CST3: variants seen among roughly 807,000 people sequenced by gnomAD.
The protein encoded by CST3 is cystatin C, also known as cystatin-C.
A neutral mutation model predicts 9.0 loss-of-function variants in CST3; 14 were observed. That is an observed-to-expected ratio of 1.56 (90% CI 1.03 to 2.44). CST3 has a LOEUF of 2.44. Among genes scored for constraint, CST3 ranks in the 30% most tolerant of loss-of-function variants. The pLI is 0.00. For synonymous variants in CST3, 96 were observed against 90.2 expected, an observed-to-expected ratio of 1.06 and a Z score of -0.37; for missense variants, 237 against 204.3, an observed-to-expected ratio of 1.16 and a Z score of -0.98.
At chr20:23,634,862 C>G (rs1979597520) in intron 2 of CST3, among the ~76,000 whole-genome samples, 1 of 152,090 alleles carries the variant, frequency 6.6e-6, no homozygotes, top group Non-Finnish European at 1.5e-5. Flanking sequence ...TCCACATACT[C>G]CCTCATACAT....
downstream of CST3, among the ~76,000 whole-genome samples, chr20:23,630,162 T>C (rs1979401400): frequency 1.3e-5 from 2 of 152,182 alleles, no homozygotes; most frequent in South Asian, 2.1e-4. Flanking sequence ...AAACATCCAA[T>C]GTCCACGTCC....
chr20:23,635,000 A>T lies in CST3; in HGVS notation c.357+254T>A, dbSNP rs551325495. 2.6e-5 allele frequency among the ~76,000 whole-genome samples: 4 copies of T among 152,134 alleles called. No homozygotes were observed. The East Asian group carries it at 7.7e-4, about 29-fold the overall frequency. ...CACCCCCACACATATGTGCACACAC[A>T]TATACTCACACACCCACACCTATCC... is the stretch of plus-strand genomic sequence containing the variant. On this transcript the variant is annotated intron_variant, in intron 2 of 2. Transcript: ENST00000376925.
intron 2 of CST3, among the ~76,000 whole-genome samples, 161 bp downstream of exon 2, chr20:23,635,093 C>T (rs1326916902): frequency 1.3e-5 from 2 of 151,994 alleles, no homozygotes; most frequent in Non-Finnish European, 2.9e-5. Flanking sequence ...GTGCACTTCC[C>T]CACACAAACC....
intron 2 of CST3, among the ~76,000 whole-genome samples, 183 bp from the exon 3 acceptor site, chr20:23,634,182 C>A (rs1159821572): frequency 6.6e-6 from 1 of 152,138 alleles, no homozygotes; most frequent in Admixed American, 6.5e-5. Flanking sequence ...ACTGCTCCAT[C>A]CCTCTCCCAG....
At chr20:23,632,789 G>T (rs1022918935), downstream of CST3, among the ~76,000 whole-genome samples, 1 of 152,232 alleles carries the variant, frequency 6.6e-6, no homozygotes, top group Non-Finnish European at 1.5e-5. Flanking sequence ...GGGAAGGACT[G>T]TGCAGGGTGG....
At chr20:23,632,474 C>T (rs531969208), downstream of CST3, among the ~76,000 whole-genome samples, 6 of 152,180 alleles carry the variant, frequency 3.9e-5, no homozygotes, top group African/African-American at 1.4e-4. Flanking sequence ...CTCATGGCAT[C>T]CTAGGGGGTG....
chr20:23,633,247 G>C (rs1329047636), downstream of CST3, among the ~76,000 whole-genome samples: 1 of 152,120 alleles, frequency 6.6e-6, no homozygotes, highest in Non-Finnish European at 1.5e-5. Flanking sequence ...TCAGTCCCTG[G>C]GGTCTGCTCA....
At chr20:23,635,176 T>C (rs1002174291) in intron 2 of CST3, 78 bp downstream of exon 2, 3 of 1,198,530 alleles carry the variant, frequency 2.5e-6, no homozygotes, top group Non-Finnish European at 1.2e-6. Context: ...CTGCAGAACA[T>C]GTGCATCACA....
downstream of CST3, among the ~76,000 whole-genome samples, chr20:23,630,443 T>G (rs1033536613): frequency 2.6e-4 from 40 of 152,214 alleles, no homozygotes; most frequent in African/African-American, 8.0e-4. Context: ...TAAAGGAATG[T>G]CTGTTCCCTA....
intron 1 of CST3, among the ~76,000 whole-genome samples, chr20:23,635,598 G>A (rs1979643515): frequency 6.6e-6 from 1 of 152,200 alleles, no homozygotes; most frequent in African/African-American, 2.4e-5. Context: ...CCAATGCCAA[G>A]GATTAACTGA....
At chr20:23,636,779 G>GC (rs1007142909) in intron 1 of CST3, among the ~76,000 whole-genome samples, 3 of 152,210 alleles carry the variant, frequency 2.0e-5, no homozygotes, top group African/African-American at 7.2e-5. Flanking sequence ...GTTAAAAGAG[G>GC]CCGAGGGGAC....
downstream of CST3, chr20:23,632,409 G>GT (rs1442741422): frequency 6.6e-6 from 1 of 152,348 alleles, no homozygotes. Flanking sequence ...AGAAAACTGA[G>GT]TGACTAAGAC....
chr20:23,627,899 A>G (rs1342916569), exon 4 of CST3: 1 of 152,196 alleles, frequency 6.6e-6, no homozygotes, highest in Non-Finnish European at 1.5e-5. Context: ...TATAAAAATT[A>G]GGTTATTTGC....
At position 23,637,693 on chromosome 20, in the gene CST3, A is replaced by G. The variant is rs1346941701; in HGVS notation, c.170T>C (p.Val57Ala). 1 of 1,543,038 alleles carries G rather than the reference A, an allele frequency of 6.5e-7. No homozygotes were observed. Among genetic ancestry groups the G allele is most frequent in the South Asian group, 1.2e-5 (1 of 82,968 alleles). ...EGVRRALDFA[V>A]GEYNKASNDM... ...GTTGCTGGCTTTGTTGTACTCGCCGACGGCAAAGTCCAGTGCACGCCGCAC... is the reference window on the plus strand; with the variant it reads ...GTTGCTGGCTTTGTTGTACTCGCCGGCGGCAAAGTCCAGTGCACGCCGCAC... The change falls in exon 1 of 3, where the codon GTC (valine) becomes GCC (alanine). Residue 57 changes from valine to alanine, a missense_variant. Coordinates refer to ENST00000376925, the MANE Select transcript of CST3 (RefSeq NM_000099.4).
In CST3 at chr20:23,633,809, T is replaced by G; in HGVS notation, c.*107A>C. The stretch of plus-strand genomic sequence containing the variant: ...CTGTCTGTCTCCTGGTGCAGGCACA[T>G]GGGGAGACCTTCCCCAAGGCAGGGG... On this transcript the variant is annotated 3_prime_UTR_variant, in exon 3 of 3. Transcript: ENST00000376925. 1 of 946,776 alleles carries G rather than the reference T, an allele frequency of 1.1e-6. No individual in the cohort carries two copies. Among genetic ancestry groups the G allele is most frequent in the Non-Finnish European group, 1.7e-6 (1 of 580,298 alleles). The allele number at this position is 946,776 out of a possible 1,614,324, so 58.6% of individuals were successfully genotyped here. A position where few individuals can be genotyped will look rare whatever the true frequency, so the allele number is the denominator to read the frequency against.
At chr20:23,630,829 T>A (rs1979426590), downstream of CST3, among the ~76,000 whole-genome samples, 1 of 150,132 alleles carries the variant, frequency 6.7e-6, no homozygotes, top group Admixed American at 6.6e-5. Flanking sequence ...AACTAGTCTA[T>A]CAGTAAAGAC....
intron 2 of CST3, 93 bp from the exon 3 acceptor site, chr20:23,634,092 GA>G (rs1472096470): frequency 7.7e-6 from 8 of 1,035,900 alleles, no homozygotes; most frequent in African/African-American, 1.6e-5. Context: ...AGTGAAGAAG[GA>G]TGGAGGTGAA....
At chr20:23,635,206 A>ACACC (rs1555808092) in intron 2 of CST3, 48 bp downstream of exon 2, 1 of 1,386,164 alleles carries the variant, frequency 7.2e-7, no homozygotes, top group Admixed American at 1.7e-5. Context: ...ACACACACAC[A>ACACC]CCCCTCTGCA....
downstream of CST3, among the ~76,000 whole-genome samples, chr20:23,632,562 T>C (rs1441161877): frequency 6.6e-6 from 1 of 152,142 alleles, no homozygotes; most frequent in East Asian, 1.9e-4. Flanking sequence ...CTCCCCACTC[T>C]CCCTGCCGTG....
Sources: gnomAD v4.1 joint callset for allele counts (sites outside exome capture counted in the v4.1 genomes callset) on GRCh38, gnomAD v4.1.1 for gene constraint, MANE v1.5 for transcripts, NCBI Gene and HGNC (gene_info 2026-07-23, HGNC 2026-07-21) for gene names.